Variants in CIRBP observed in about 807,000 individuals in gnomAD.
CIRBP encodes cold-inducible RNA-binding protein.
A neutral mutation model predicts 22.3 loss-of-function variants in CIRBP; 11 were observed. The ratio of observed to expected loss-of-function variants is 0.49; its 90% CI spans 0.31 to 0.82. The LOEUF (loss-of-function observed/expected upper bound fraction) is 0.82. CIRBP is among the 40% of genes least tolerant of loss of function. The pLI is 0.05. For missense variants in CIRBP, 456 were observed against 402.7 expected, an observed-to-expected ratio of 1.13 and a Z score of -1.13; for synonymous variants, 216 against 158.8, an observed-to-expected ratio of 1.36 and a Z score of -2.71.
rs958270924 is a variant in CIRBP, at chr19:1,269,486, C to G, written c.-7+76C>G. Reference sequence around the variant, plus strand: ...CTGCGGCGGCCAGGCGAGGCGGGGCCGCAGCGGCACGCCCCTGGGAGGGGG... The same window carrying G: ...CTGCGGCGGCCAGGCGAGGCGGGGCGGCAGCGGCACGCCCCTGGGAGGGGG... On this transcript the variant is annotated intron_variant, in intron 1 of 5. Coordinates refer to ENST00000587896, the MANE Select transcript of CIRBP (RefSeq NM_001300829.2). 9.9e-5 allele frequency: 15 copies of G among 151,040 alleles called. No individual in the cohort carries two copies. In the East Asian group the frequency reaches 2.9e-3, roughly 30 times the overall value. The allele number at this position is 151,040 out of a possible 1,614,324, so 9.4% of individuals were successfully genotyped here. A position where few individuals can be genotyped will look rare whatever the true frequency, so the allele number is the denominator to read the frequency against.
Position 1,272,465 on chromosome 19 carries a change from G to A in CIRBP, c.*22G>A, listed in dbSNP as rs1231837634. 5 of 1,510,296 alleles carry A rather than the reference G, an allele frequency of 3.3e-6. No individual in the cohort carries two copies. Among genetic ancestry groups the A allele is most frequent in the South Asian group, 1.3e-5 (1 of 75,966 alleles). 93.6% of individuals were successfully genotyped at this position (1,510,296 alleles called of 1,614,324 possible). A position where few individuals can be genotyped will look rare whatever the true frequency, so the allele number is the denominator to read the frequency against. ...GTAAAAACCCTTCCTGCTCAAGATC[G>A]TCCTTCCAATGGCTGTGTGTTTAAA... On this transcript the variant is annotated 3_prime_UTR_variant, in exon 6 of 6. Coordinates refer to ENST00000587896, the MANE Select transcript of CIRBP (RefSeq NM_001300829.2).
At position 1,273,767 on chromosome 19, in the gene CIRBP, G is replaced by C. The variant is rs986122153; in HGVS notation, c.*1324G>C. On this transcript the variant is annotated 3_prime_UTR_variant, in exon 6 of 6. Transcript: ENST00000587896. The stretch of plus-strand genomic sequence containing the variant: ...CCCTCTTGTTGAGAGCTCACTGAAA[G>C]TCATGTGCCCGGGGAATGTTCCTGT... The C allele has an allele frequency of 6.6e-5, 10 of 152,180 alleles. No individual in the cohort carries two copies. The highest frequency in any genetic ancestry group is 2.4e-4 in the African/African-American group (10 of 41,422). 9.4% of individuals were successfully genotyped at this position (152,180 alleles called of 1,614,324 possible).
chr19:1,271,961 A>G lies in CIRBP; in HGVS notation c.432-20A>G. 1 of 1,596,554 alleles carries G rather than the reference A, an allele frequency of 6.3e-7. No individual in the cohort carries two copies. The highest frequency in any genetic ancestry group is 8.6e-7 in the Non-Finnish European group (1 of 1,167,600). On this transcript the variant is annotated intron_variant, in intron 5 of 5. Coordinates refer to ENST00000587896, the MANE Select transcript of CIRBP (RefSeq NM_001300829.2). ...AGTAGACGGGTACCTTCCGGTACTC[A>G]ACGTTTGTCTGTCTTGCAGCCGGAG...
Position 1,272,048 on chromosome 19 carries a change from T to TA in CIRBP, c.500dup (p.Tyr167Ter). The TA allele has an allele frequency of 6.2e-7, 1 of 1,613,390 alleles. No homozygotes were observed. The highest frequency in any genetic ancestry group is 8.5e-7 in the Non-Finnish European group (1 of 1,179,386). The change falls in exon 6 of 6, where the codon TAC (tyrosine) becomes TAAC (stop). Residue 167 changes from tyrosine (Y) to a stop codon, truncating the protein, a stop_gained and frameshift_variant. Coordinates refer to ENST00000587896, the MANE Select transcript of CIRBP (RefSeq NM_001300829.2). LOFTEE classifies it low-confidence loss of function (END_TRUNC). ...GGSYRDSYDS[Y>*]GKSHSEGATL... ...GTCCTACAGAGACAGTTATGACAGT[T>TA]ACGGTAAGTCACACTCCGAGGGCGC...
At chr19:1,270,834 C>G in intron 1 of CIRBP, 94 bp from the exon 2 acceptor site, 1 of 824,580 alleles carries the variant, frequency 1.2e-6, no homozygotes, top group Non-Finnish European at 2.1e-6. Flanking sequence ...CTAATATTTC[C>G]CCTAAAAAAC....
chr19:1,269,958 C>T (rs749383622), intron 1 of CIRBP: 1 of 519,824 alleles, frequency 1.9e-6, no homozygotes, highest in East Asian at 5.4e-5. Flanking sequence ...AAAGTTTGGT[C>T]CAAGTTGGCA....
In CIRBP at chr19:1,274,452, C is replaced by T. The variant is rs1385130248; in HGVS notation, c.*2009C>T. On this transcript the variant is annotated 3_prime_UTR_variant, in exon 6 of 6. Coordinates refer to ENST00000587896, the MANE Select transcript of CIRBP (RefSeq NM_001300829.2). ...GAGGCTTGTCCCCTGTAAGTGCTTT[C>T]GGGAAGAGTGGCATGTGGCGCTGAG... is the stretch of plus-strand genomic sequence containing the variant. 4 of 396,548 alleles carry T rather than the reference C, an allele frequency of 1.0e-5. No individual in the cohort carries two copies. Among genetic ancestry groups the T allele is most frequent in the Non-Finnish European group, 1.8e-5 (4 of 223,968 alleles). The allele number at this position is 396,548 out of a possible 1,614,324, so 24.6% of individuals were successfully genotyped here.
chr19:1,274,730 G>C lies in CIRBP; in HGVS notation c.*2287G>C, dbSNP rs2081394620. ...GGCTGCGGTGCGCCGGCAGCTTACG[G>C]GGCGGCCAGTCCTTGCCCACAACGA... On this transcript the variant is annotated 3_prime_UTR_variant, in exon 6 of 6. Transcript: ENST00000587896. The C allele has an allele frequency of 6.1e-6, 1 of 164,066 alleles. No individual in the cohort carries two copies. Among genetic ancestry groups the C allele is most frequent in the African/African-American group, 2.4e-5 (1 of 41,912 alleles). The allele number at this position is 164,066 out of a possible 1,614,324, so 10.2% of individuals were successfully genotyped here.
Position 1,273,983 on chromosome 19 carries a change from A to AT in CIRBP, c.*1546dup, listed in dbSNP as rs1318020369. The AT allele has an allele frequency of 1.6e-5, 4 of 246,138 alleles. No individual in the cohort carries two copies. The highest frequency in any genetic ancestry group is 2.3e-5 in the Non-Finnish European group (3 of 130,004). 15.2% of individuals were successfully genotyped at this position (246,138 alleles called of 1,614,324 possible). A position where few individuals can be genotyped will look rare whatever the true frequency, so the allele number is the denominator to read the frequency against. On this transcript the variant is annotated 3_prime_UTR_variant, in exon 6 of 6. Transcript: ENST00000587896. ...ACCAGTGAACGCCCCCGCCTTTTGG[A>AT]TTTTTTGCTCAATTGACCGTCTTTT...
intron 1 of CIRBP, 61 bp from the exon 2 acceptor site, chr19:1,270,867 G>A (rs2081327868): frequency 3.0e-6 from 3 of 992,764 alleles, no homozygotes; most frequent in Non-Finnish European, 4.8e-6. Flanking sequence ...CATAAAATAG[G>A]AAGCGGGGAG....
Position 1,272,622 on chromosome 19 carries a change from C to T in CIRBP, c.*179C>T, listed in dbSNP as rs1434717705. The T allele has an allele frequency of 3.9e-6, 2 of 509,222 alleles. No individual in the cohort carries two copies. Among genetic ancestry groups the T allele is most frequent in the South Asian group, 4.1e-5 (1 of 24,514 alleles). The allele number at this position is 509,222 out of a possible 1,614,324, so 31.5% of individuals were successfully genotyped here. A position where few individuals can be genotyped will look rare whatever the true frequency, so the allele number is the denominator to read the frequency against. On this transcript the variant is annotated 3_prime_UTR_variant, in exon 6 of 6. Coordinates refer to ENST00000587896, the MANE Select transcript of CIRBP (RefSeq NM_001300829.2). ...TTCTGACGCCGGGATGGCCTCGTTA[C>T]TAGACTTTTCTTTTTAAGGAAGTGC...
chr19:1,271,382 C>T lies in CIRBP; in HGVS notation c.264C>T (p.Asn88=). ...RVDQAGKSSD[N]RSRGYRGGSA... ...ACCAGGCAGGCAAGTCGTCAGACAA[C>T]CGATCCCGTGGGTACCGTGGTGGCT... is the stretch of plus-strand genomic sequence containing the variant. Residue 88 remains asparagine (N), a synonymous_variant, in exon 4 of 6, where the codon AAC becomes AAT. Transcript: ENST00000587896. 1 of 1,613,930 alleles carries T rather than the reference C, an allele frequency of 6.2e-7. No homozygotes were observed. The highest frequency in any genetic ancestry group is 8.5e-7 in the Non-Finnish European group (1 of 1,180,010).
rs376658518 is a variant in CIRBP, at chr19:1,271,314, G to C, written c.211-15G>C. The C allele has an allele frequency of 6.2e-7, 1 of 1,614,058 alleles. No individual in the cohort carries two copies. Among genetic ancestry groups the C allele is most frequent in the Admixed American group, 1.7e-5 (1 of 60,028 alleles). On this transcript the variant is annotated splice_polypyrimidine_tract_variant and intron_variant, in intron 3 of 5. Coordinates refer to ENST00000587896, the MANE Select transcript of CIRBP (RefSeq NM_001300829.2). Reference sequence around the variant, plus strand: ...GGGCACCCACCTGCTAACCCGTCCCGCCCTCTGTCTCCAGTCTGTAGATGG... The same window carrying C: ...GGGCACCCACCTGCTAACCCGTCCCCCCCTCTGTCTCCAGTCTGTAGATGG...
At position 1,273,591 on chromosome 19, in the gene CIRBP, T is replaced by C. The variant is rs2081377299; in HGVS notation, c.*1148T>C. On this transcript the variant is annotated 3_prime_UTR_variant, in exon 6 of 6. Coordinates refer to ENST00000587896, the MANE Select transcript of CIRBP (RefSeq NM_001300829.2). ...CTGTTGCTTCACGAGTTCTGAGCATTCTCTGCTAGCCTATGGAAGCTGCAG... is the reference window on the plus strand; with the variant it reads ...CTGTTGCTTCACGAGTTCTGAGCATCCTCTGCTAGCCTATGGAAGCTGCAG... The C allele has an allele frequency of 6.6e-6, 1 of 152,230 alleles. No individual in the cohort carries two copies. The highest frequency in any genetic ancestry group is 2.4e-5 in the African/African-American group (1 of 41,446). 9.4% of individuals were successfully genotyped at this position (152,230 alleles called of 1,614,324 possible). A position where few individuals can be genotyped will look rare whatever the true frequency, so the allele number is the denominator to read the frequency against.
intron 5 of CIRBP, 70 bp downstream of exon 5, chr19:1,271,702 C>A: frequency 9.7e-7 from 1 of 1,031,442 alleles, no homozygotes; most frequent in Non-Finnish European, 1.4e-6. Context: ...GGTCCCAGGT[C>A]CCTGGGGGAG....
rs1436033526 is a variant in CIRBP at position 1,271,023 on chromosome 19, A to C, written c.90A>C (p.Gly30=). ...QSLEQVFSKY[G]QISEVVVVKD... ...TGGAGCAGGTCTTCTCAAAGTACGGACAGATCTCTGAAGGTGAGGCTGCTG... is the reference window on the plus strand; with the variant it reads ...TGGAGCAGGTCTTCTCAAAGTACGGCCAGATCTCTGAAGGTGAGGCTGCTG... The change falls in exon 2 of 6, where the codon GGA becomes GGC. Residue 30 remains glycine, a synonymous_variant. Coordinates refer to ENST00000587896, the MANE Select transcript of CIRBP (RefSeq NM_001300829.2). 1 of 1,613,938 alleles carries C rather than the reference A, an allele frequency of 6.2e-7. No homozygotes were observed. Among genetic ancestry groups the C allele is most frequent in the East Asian group, 2.2e-5 (1 of 44,876 alleles).
rs1292163454 is a variant in CIRBP at position 1,274,520 on chromosome 19, C to G, written c.*2077C>G. On this transcript the variant is annotated 3_prime_UTR_variant, in exon 6 of 6. Transcript: ENST00000587896. ...CCTGGGCGTTTCAGTGAGTCCTGCTCTCCCGCACCTATGGCCCCATGGCGG... is the reference window on the plus strand; with the variant it reads ...CCTGGGCGTTTCAGTGAGTCCTGCTGTCCCGCACCTATGGCCCCATGGCGG... 15 of 387,304 alleles carry G rather than the reference C, an allele frequency of 3.9e-5. No individual in the cohort carries two copies. The highest frequency in any genetic ancestry group is 5.9e-5 in the Non-Finnish European group (13 of 218,762). 24.0% of individuals were successfully genotyped at this position (387,304 alleles called of 1,614,324 possible). A position where few individuals can be genotyped will look rare whatever the true frequency, so the allele number is the denominator to read the frequency against.
intron 1 of CIRBP, chr19:1,270,336 G>T: frequency 1.4e-5 from 5 of 354,266 alleles, no homozygotes; most frequent in Non-Finnish European, 2.8e-5. Context: ...GCACCCGTTC[G>T]GAAATAGGAG....
chr19:1,271,451 CCGTGGGTT>C lies in CIRBP; in HGVS notation c.335_342del (p.Arg112LeufsTer2). 2 of 1,610,098 alleles carry C rather than the reference CCGTGGGTT, an allele frequency of 1.2e-6. No homozygotes were observed. The highest frequency in any genetic ancestry group is 1.7e-6 in the Non-Finnish European group (2 of 1,178,104). On this transcript the variant is annotated frameshift_variant, in exon 4 of 6. Transcript: ENST00000587896. LOFTEE classifies it high-confidence loss of function. ...TCTTCCGTGGGGGCCGAGGACGGGG[CCGTGGGTT>C]CTCTAGAGGTGAGTGCCATGAGTGG...
Sources: allele counts gnomAD v4.1 joint callset, GRCh38; gene constraint gnomAD v4.1.1; transcripts MANE v1.5; gene names NCBI Gene and HGNC (gene_info 2026-07-23, HGNC 2026-07-21).